Variants in TXNDC16 observed in about 807,000 individuals in gnomAD.
The protein encoded by TXNDC16 is thioredoxin domain-containing protein 16.
Under a neutral mutation model 85.6 loss-of-function variants are expected in TXNDC16, and 74 were observed. The ratio of observed to expected loss-of-function variants is 0.86; its 90% CI spans 0.72 to 1.05. The LOEUF is 1.05. Among genes scored for constraint, TXNDC16 ranks in the 50% least tolerant of loss-of-function variants. TXNDC16 has a pLI of 0.00. For missense variants in TXNDC16, 959 were observed against 947.0 expected (o/e 1.01, Z -0.17); for synonymous variants, 335 against 326.5 (o/e 1.03, Z -0.28).
chr14:52,478,137 A>G (rs1262179081), intron 14 of TXNDC16, among the ~76,000 whole-genome samples: 2 of 152,296 alleles, frequency 1.3e-5, no homozygotes, highest in East Asian at 3.9e-4. Flanking sequence ...CTGAATGACA[A>G]TAGTGACACA....
At chr14:52,437,639 G>T (rs1391219381) in intron 20 of TXNDC16, among the ~76,000 whole-genome samples, 2 of 151,968 alleles carry the variant, frequency 1.3e-5, no homozygotes, top group Non-Finnish European at 2.9e-5. Context: ...CCACAGAATG[G>T]AATAAAATAT....
intron 9 of TXNDC16, among the ~76,000 whole-genome samples, chr14:52,506,527 CTTTTTTTTTTTT>C (rs765293725): frequency 2.1e-5 from 2 of 97,540 alleles, no homozygotes; most frequent in Non-Finnish European, 3.8e-5. Flanking sequence ...TTCAACAACC[CTTTTTTTTTTTT>C]TTTTTTTTTT....
intron 2 of TXNDC16, 72 bp downstream of exon 2, chr14:52,544,187 CTTTAA>C (rs1482157674): frequency 6.6e-6 from 1 of 152,116 alleles, no homozygotes; most frequent in Non-Finnish European, 1.5e-5. Context: ...TCAACTCATA[CTTTAA>C]TTCAATTCTA....
At chr14:52,506,478 T>C (rs898762516) in intron 9 of TXNDC16, among the ~76,000 whole-genome samples, 1 of 149,174 alleles carries the variant, frequency 6.7e-6, no homozygotes, top group Admixed American at 6.7e-5. Context: ...CAAAACCACA[T>C]GATCATCTCA....
rs537308220 is a variant in TXNDC16 at position 52,544,832 on chromosome 14, A to G, written c.-181-461T>C. Among the ~76,000 whole-genome samples the G allele has an allele frequency of 1.3e-3, 205 of 152,242 alleles. 1 individual carries two copies. Among genetic ancestry groups the G allele is most frequent in the African/African-American group, 4.9e-3 (203 of 41,572 alleles). On this transcript the variant is annotated intron_variant, in intron 1 of 20. Transcript: ENST00000281741. ...AATGAGTCAAGAGTTCAAAAACTCAAAGTAAAATGAGAAGCAAGAACTATA... is the reference window on the plus strand; with the variant it reads ...AATGAGTCAAGAGTTCAAAAACTCAGAGTAAAATGAGAAGCAAGAACTATA...
At chr14:52,537,943 T>C (rs2037741147) in intron 4 of TXNDC16, among the ~76,000 whole-genome samples, 1 of 152,152 alleles carries the variant, frequency 6.6e-6, no homozygotes, top group Non-Finnish European at 1.5e-5. Flanking sequence ...AGACAAAAAG[T>C]ATGAGCAATA....
At chr14:52,486,700 A>AG (rs2036280976) in intron 12 of TXNDC16, among the ~76,000 whole-genome samples, 1 of 152,186 alleles carries the variant, frequency 6.6e-6, no homozygotes, top group Non-Finnish European at 1.5e-5. Context: ...AATTAGATAC[A>AG]GGCACAACAC....
At position 52,533,239 on chromosome 14, in the gene TXNDC16, A is replaced by G. The variant is rs78953406; in HGVS notation, c.392+3480T>C. Among the ~76,000 whole-genome samples the G allele has an allele frequency of 3.7e-3, 562 of 152,272 alleles. 5 individuals carry two copies. The highest frequency in any genetic ancestry group is 0.013 in the African/African-American group (530 of 41,536). On this transcript the variant is annotated intron_variant, in intron 6 of 20. Coordinates refer to ENST00000281741, the MANE Select transcript of TXNDC16 (RefSeq NM_020784.3). ...GTAAATTTGCTCTTCTTCCTTGCCTATTTCAGATGGTGATCAGACTAGAGC... is the reference window on the plus strand; with the variant it reads ...GTAAATTTGCTCTTCTTCCTTGCCTGTTTCAGATGGTGATCAGACTAGAGC...
chr14:52,517,026 C>T (rs1366420872), intron 7 of TXNDC16, among the ~76,000 whole-genome samples: 3 of 152,082 alleles, frequency 2.0e-5, no homozygotes, highest in South Asian at 2.1e-4. Flanking sequence ...ACTAACTCTA[C>T]ACCTTGCAAT....
chr14:52,531,458 A>G (rs1419462921), intron 6 of TXNDC16, among the ~76,000 whole-genome samples: 1 of 152,188 alleles, frequency 6.6e-6, no homozygotes, highest in African/African-American at 2.4e-5. Flanking sequence ...TGATATATCC[A>G]TTCAGTGGAA....
chr14:52,498,465 C>A (rs1264514093), intron 9 of TXNDC16, among the ~76,000 whole-genome samples: 1 of 151,388 alleles, frequency 6.6e-6, no homozygotes, highest in Non-Finnish European at 1.5e-5. Context: ...ACCATAAGAA[C>A]CATTTTGCAG....
At chr14:52,466,303 G>A (rs1382309801) in intron 16 of TXNDC16, among the ~76,000 whole-genome samples, 1 of 139,162 alleles carries the variant, frequency 7.2e-6, no homozygotes, top group South Asian at 2.4e-4. Flanking sequence ...TGAGGCAGGA[G>A]AAATGCCTGA....
At chr14:52,446,037 C>T (rs879203121) in intron 18 of TXNDC16, among the ~76,000 whole-genome samples, 1 of 152,180 alleles carries the variant, frequency 6.6e-6, no homozygotes, top group Admixed American at 6.5e-5. Context: ...GTCATCCCCT[C>T]TTCCCCTGCA....
Position 52,491,045 on chromosome 14 carries a change from T to C in TXNDC16, c.757-40A>G, listed in dbSNP as rs755959125. 3 of 1,527,558 alleles carry C rather than the reference T, an allele frequency of 2.0e-6. No individual in the cohort carries two copies. In the African/African-American group the frequency reaches 4.4e-5, roughly 22 times the overall value. The allele number at this position is 1,527,558 out of a possible 1,614,324, so 94.6% of individuals were successfully genotyped here. A position where few individuals can be genotyped will look rare whatever the true frequency, so the allele number is the denominator to read the frequency against. ...AAAAAAAAAAAAGGTGTGATAACAA[T>C]ATTCCAACATTTGGATTTAAATTCT... On this transcript the variant is annotated intron_variant, in intron 9 of 20. Coordinates refer to ENST00000281741, the MANE Select transcript of TXNDC16 (RefSeq NM_020784.3).
intron 9 of TXNDC16, among the ~76,000 whole-genome samples, chr14:52,503,844 G>A (rs1446211228): frequency 6.6e-6 from 1 of 152,266 alleles, no homozygotes; most frequent in Admixed American, 6.5e-5. Context: ...TTAGACGAAT[G>A]GCTAACTAGA....
intron 6 of TXNDC16, among the ~76,000 whole-genome samples, chr14:52,525,741 T>TA (rs1555341748): frequency 2.9e-5 from 3 of 103,202 alleles, no homozygotes; most frequent in East Asian, 2.5e-4. Context: ...ATAATAATAA[T>TA]AATAAATAAA....
chr14:52,448,753 A>G (rs2035340848), intron 18 of TXNDC16, among the ~76,000 whole-genome samples: 1 of 152,160 alleles, frequency 6.6e-6, no homozygotes, highest in African/African-American at 2.4e-5. Context: ...GTACAATAAG[A>G]TATAAATAGA....
chr14:52,501,221 T>C (rs1385668144), intron 9 of TXNDC16, among the ~76,000 whole-genome samples: 1 of 152,116 alleles, frequency 6.6e-6, no homozygotes, highest in Non-Finnish European at 1.5e-5. Context: ...ATAGTTGTGT[T>C]ATATATCTAC....
In TXNDC16 at chr14:52,498,609, C is replaced by G. The variant is rs1281694169; in HGVS notation, c.757-7604G>C. 8.6e-5 allele frequency among the ~76,000 whole-genome samples: 13 copies of G among 152,044 alleles called. No homozygotes were observed. The East Asian group carries it at 2.5e-3, about 29-fold the overall frequency. On this transcript the variant is annotated intron_variant, in intron 9 of 20. Transcript: ENST00000281741. The stretch of plus-strand genomic sequence containing the variant: ...ATAAAATACTTTGGAATAAATTGAA[C>G]AAAGGAGGTAAAAGACCCTTATACT...
Sources: allele counts gnomAD v4.1 joint callset (sites outside exome capture counted in the v4.1 genomes callset), GRCh38; gene constraint gnomAD v4.1.1; transcripts MANE v1.5; gene names NCBI Gene and HGNC (gene_info 2026-07-23, HGNC 2026-07-21).